TOP3A: variants seen among roughly 807,000 people sequenced by gnomAD.
The protein encoded by TOP3A is DNA topoisomerase 3-alpha.
In TOP3A, 64 loss-of-function variants were observed where a neutral mutation model predicts 111.3. The ratio of observed to expected loss-of-function variants is 0.57; its 90% CI spans 0.47 to 0.71. TOP3A has a LOEUF of 0.71. Among genes scored for constraint, TOP3A ranks in the 30% least tolerant of loss-of-function variants. The pLI is 0.00. For synonymous variants in TOP3A, 484 were observed against 485.1 expected, an observed-to-expected ratio of 1.00 and a Z score of 0.03; for missense variants, 1,104 against 1,285.0, an observed-to-expected ratio of 0.86 and a Z score of 2.15.
chr17:18,290,548 G>A lies in TOP3A; in HGVS notation c.1597+9C>T. ...CAAGAGATGCGAGTTACCCAGAGGA[G>A]CCACTGACCAATGCCATGCTTCTCC... On this transcript the variant is annotated intron_variant, in intron 13 of 18. Transcript: ENST00000321105. The A allele has an allele frequency of 6.4e-7, 1 of 1,564,116 alleles. No individual in the cohort carries two copies. Among genetic ancestry groups the A allele is most frequent in the Admixed American group, 1.9e-5 (1 of 53,180 alleles).
At chr17:18,299,818 C>T (rs1315581048) in intron 8 of TOP3A, among the ~76,000 whole-genome samples, 185 bp from the exon 9 acceptor site, 1 of 152,224 alleles carries the variant, frequency 6.6e-6, no homozygotes. Context: ...GACACCATCA[C>T]TACTTTCCCA....
Position 18,303,699 on chromosome 17 carries a change from C to A in TOP3A, c.500-976G>T, listed in dbSNP as rs1303071670. On this transcript the variant is annotated intron_variant, in intron 5 of 18. Transcript: ENST00000321105. ...AGTCTTTTGTTTGTTTTCCTGCTGA[C>A]CCTCTCCCCACCAACACCCTATAGT... Among the ~76,000 whole-genome samples, 4 of 152,114 alleles carry A rather than the reference C, an allele frequency of 2.6e-5. No individual in the cohort carries two copies. The East Asian group carries it at 5.8e-4, about 22-fold the overall frequency.
At chr17:18,312,986 T>C (rs977041139) in intron 1 of TOP3A, among the ~76,000 whole-genome samples, 5 of 152,198 alleles carry the variant, frequency 3.3e-5, no homozygotes, top group Non-Finnish European at 5.9e-5. Context: ...GACAGGCACC[T>C]GTAATCCCAG....
In TOP3A at chr17:18,278,469, A is replaced by G. The variant is rs1979549771; in HGVS notation, c.2145-112T>C. ...CTCTCTCCACCATTCCTTATGCATC[A>G]GGAAGCCCACACAAGTCCCCTGTGA... On this transcript the variant is annotated intron_variant, in intron 17 of 18. Transcript: ENST00000321105. 5 of 1,024,444 alleles carry G rather than the reference A, an allele frequency of 4.9e-6. No individual in the cohort carries two copies. In the South Asian group the frequency reaches 6.5e-5, roughly 13 times the overall value. 63.5% of individuals were successfully genotyped at this position (1,024,444 alleles called of 1,614,324 possible).
intron 14 of TOP3A, 33 bp downstream of exon 14, chr17:18,285,374 C>A: frequency 1.2e-6 from 2 of 1,613,506 alleles, no homozygotes; most frequent in Non-Finnish European, 1.7e-6. Flanking sequence ...GCGACACCAC[C>A]CACTACCCAC....
Position 18,272,443 on chromosome 17 carries a change from C to A in TOP3A, c.*2359G>T, listed in dbSNP as rs1416862016. ...ATTCCTCGGCATATGCCCAAAATAA[C>A]TGAAAACAAGTCATCAGACACTCAT... is the stretch of plus-strand genomic sequence containing the variant. On this transcript the variant is annotated 3_prime_UTR_variant, in exon 19 of 19. Transcript: ENST00000321105. Among the ~76,000 whole-genome samples, 1 of 152,228 alleles carries A rather than the reference C, an allele frequency of 6.6e-6. No individual in the cohort carries two copies. Among genetic ancestry groups the A allele is most frequent in the Admixed American group, 6.5e-5 (1 of 15,282 alleles).
At chr17:18,307,131 T>C (rs1981628379) in intron 3 of TOP3A, 165 bp from the exon 4 acceptor site, 6 of 559,724 alleles carry the variant, frequency 1.1e-5, no homozygotes, top group Middle Eastern at 8.4e-4. Flanking sequence ...ACTGTCCACT[T>C]CTCCAAGAGT....
rs768459092 is a variant in TOP3A, at chr17:18,294,618, G to A, written c.1073+85C>T. ...GATGGGATTACAGGTGTGAGCCACCGTGCCCAACCCATAAACTCTATTTCT... is the reference window on the plus strand; with the variant it reads ...GATGGGATTACAGGTGTGAGCCACCATGCCCAACCCATAAACTCTATTTCT... On this transcript the variant is annotated intron_variant, in intron 10 of 18. Transcript: ENST00000321105. 57 of 1,055,348 alleles carry A rather than the reference G, an allele frequency of 5.4e-5. 1 individual carries two copies. Among genetic ancestry groups the A allele is most frequent in the South Asian group, 8.0e-5 (6 of 75,374 alleles). The allele number at this position is 1,055,348 out of a possible 1,614,324, so 65.4% of individuals were successfully genotyped here.
chr17:18,280,272 C>G (rs112045248), intron 17 of TOP3A: 3 of 273,666 alleles, frequency 1.1e-5, no homozygotes, highest in African/African-American at 4.4e-5. Flanking sequence ...TAGCAATCAT[C>G]TATCTGGAGA....
Position 18,272,101 on chromosome 17 carries a change from G to T in TOP3A, c.*2701C>A, listed in dbSNP as rs1311420368. On this transcript the variant is annotated 3_prime_UTR_variant, in exon 19 of 19. Coordinates refer to ENST00000321105, the MANE Select transcript of TOP3A (RefSeq NM_004618.5). ...AAAAAATAAAAAATAAAAAATGGGT[G>T]AAGAACTTAAATCGACATTCTCCAA... 6.6e-6 allele frequency among the ~76,000 whole-genome samples: 1 copy of T among 152,126 alleles called. No homozygotes were observed. Among genetic ancestry groups the T allele is most frequent in the African/African-American group, 2.4e-5 (1 of 41,428 alleles).
rs912246472 is a variant in TOP3A at position 18,290,280 on chromosome 17, C to A, written c.1597+277G>T. Among the ~76,000 whole-genome samples, 13 of 152,218 alleles carry A rather than the reference C, an allele frequency of 8.5e-5. 1 individual carries two copies. Among genetic ancestry groups the A allele is most frequent in the Non-Finnish European group, 1.6e-4 (11 of 68,042 alleles). On this transcript the variant is annotated intron_variant, in intron 13 of 18. Transcript: ENST00000321105. ...TGGCCAATGGGTGCTCCCAGTTGGG[C>A]CCTCAAAGCCATGGGAAAAGTCTCT...
At chr17:18,301,439 T>C (rs1230805739) in intron 8 of TOP3A, among the ~76,000 whole-genome samples, 1 of 152,144 alleles carries the variant, frequency 6.6e-6, no homozygotes, top group Non-Finnish European at 1.5e-5. Flanking sequence ...TCCCTTTACC[T>C]TGCTTTATTT....
intron 18 of TOP3A, among the ~76,000 whole-genome samples, chr17:18,277,185 C>CAAAAAAAAAAAAAAAAAAAAAAAAA (rs34363304): frequency 1.0e-5 from 1 of 96,480 alleles, no homozygotes; most frequent in Non-Finnish European, 2.0e-5. Flanking sequence ...ACTCAGTCTC[C>CAAAAAAAAAAAAAAAAAAAAAAAAA]AAAAAAAAAA....
Position 18,277,913 on chromosome 17 carries a change from T to C in TOP3A, c.2589A>G (p.Ala863=), listed in dbSNP as rs1184714175. 2 of 1,613,930 alleles carry C rather than the reference T, an allele frequency of 1.2e-6. No individual in the cohort carries two copies. The highest frequency in any genetic ancestry group is 2.2e-5 in the South Asian group (2 of 91,086). The change falls in exon 18 of 19, where the codon GCA becomes GCG. Residue 863 remains alanine (A), a synonymous_variant. Coordinates refer to ENST00000321105, the MANE Select transcript of TOP3A (RefSeq NM_004618.5). Reference sequence around the variant, plus strand: ...CCAGGGAGGCGCCCAGGGGTCTATATGCCAAGGCAGGAGGCCCTCCTGCTC... The same window carrying C: ...CCAGGGAGGCGCCCAGGGGTCTATACGCCAAGGCAGGAGGCCCTCCTGCTC... ...NPGAGGPPAL[A]YRPLGASLGC... is the part of the protein sequence containing the mutation.
At chr17:18,280,151 AAAAAATTTTTTTTTAAAT>A (rs1390607001) in intron 17 of TOP3A, 1 of 143,834 alleles carries the variant, frequency 7.0e-6, no homozygotes. Flanking sequence ...ACTGTCTTAA[AAAAAATTTTTTTTTAAAT>A]AAAAATTTTT....
rs1979474150 is a variant in TOP3A at position 18,277,788 on chromosome 17, G to A, written c.2714C>T (p.Thr905Ile). The change falls in exon 18 of 19, where the codon ACA becomes ATA. Residue 905 changes from threonine (T) to isoleucine (I), a missense_variant. By Grantham distance (89) the Thr-to-Ile change is moderately conservative (BLOSUM62 -1). Coordinates refer to ENST00000321105, the MANE Select transcript of TOP3A (RefSeq NM_004618.5). ...GGGTCCATCCTTCTGCACAGTCCGT[G>A]TGACGGAGGGCTGGCTGCAAAGGCA... ...TSCLCSQPSV[T>I]RTVQKDGPNK... The A allele has an allele frequency of 6.2e-7, 1 of 1,614,096 alleles. No individual in the cohort carries two copies. The highest frequency in any genetic ancestry group is 1.3e-5 in the African/African-American group (1 of 74,956).
At chr17:18,276,502 C>T (rs1306153427) in intron 18 of TOP3A, among the ~76,000 whole-genome samples, 1 of 152,190 alleles carries the variant, frequency 6.6e-6, no homozygotes, top group Non-Finnish European at 1.5e-5. Flanking sequence ...CTGTGCATGC[C>T]GGGCTAGTGA....
chr17:18,299,532 G>A (rs750057783), intron 9 of TOP3A, 27 bp downstream of exon 9: 2 of 1,608,188 alleles, frequency 1.2e-6, no homozygotes, highest in Non-Finnish European at 1.7e-6. Context: ...TTCCCCGAGT[G>A]CCTGAAACAG....
Position 18,292,645 on chromosome 17 carries a change from C to T in TOP3A, c.1281G>A (p.Gln427=), listed in dbSNP as rs1272494896. ...IHPTKYTNNL[Q]GDEQRLYEFI... is the part of the protein sequence containing the mutation. ...AGGCAGTACATTCAGGGAAACCAAC[C>T]TGTAAGTTGTTGGTGTATTTGGTGG... Residue 427 remains glutamine, a splice_region_variant and synonymous_variant, in exon 11 of 19, where the codon CAG becomes CAA. Coordinates refer to ENST00000321105, the MANE Select transcript of TOP3A (RefSeq NM_004618.5). 1 of 1,557,980 alleles carries T rather than the reference C, an allele frequency of 6.4e-7. No homozygotes were observed.
Sources: gnomAD v4.1 joint callset for allele counts (sites outside exome capture counted in the v4.1 genomes callset) on GRCh38, gnomAD v4.1.1 for gene constraint, MANE v1.5 for transcripts, NCBI Gene and HGNC (gene_info 2026-07-23, HGNC 2026-07-21) for gene names.